TRERF1: variants seen among roughly 807,000 people sequenced by gnomAD.
TRERF1 encodes transcriptional-regulating factor 1.
In TRERF1, 27 loss-of-function variants were observed where a neutral mutation model predicts 122.9. The observed-to-expected ratio is 0.22, with a 90% CI of 0.16 to 0.30. The LOEUF (loss-of-function observed/expected upper bound fraction) is 0.30, where lower values mean the gene tolerates loss of function less well. Ranked by LOEUF, TRERF1 falls within the 10% of genes least tolerant of loss-of-function variation. The pLI is 1.00. For missense variants in TRERF1, 1,248 were observed against 1,560.3 expected, an observed-to-expected ratio of 0.80 and a Z score of 3.37; for synonymous variants, 636 against 641.7, an observed-to-expected ratio of 0.99 and a Z score of 0.13.
intron 13 of TRERF1, among the ~76,000 whole-genome samples, chr6:42,250,092 C>T (rs566119087): frequency 2.6e-5 from 4 of 152,174 alleles, no homozygotes; most frequent in African/African-American, 7.2e-5. Flanking sequence ...CTGTGAACCC[C>T]GGGCAAGCCT....
intron 2 of TRERF1, among the ~76,000 whole-genome samples, chr6:42,425,849 G>A (rs1783570963): frequency 6.6e-6 from 1 of 151,952 alleles, no homozygotes; most frequent in African/African-American, 2.4e-5. Context: ...CCGGCCCCCT[G>A]GGCTTTTTAT....
rs1373910318 is a variant in TRERF1, at chr6:42,228,822, TCTTC to T, written c.3279-157_3279-154del. Among the ~76,000 whole-genome samples the T allele has an allele frequency of 1.3e-5, 2 of 152,190 alleles. No homozygotes were observed. Among genetic ancestry groups the T allele is most frequent in the Admixed American group, 1.3e-4 (2 of 15,284 alleles). ...TCCTTCCCCTGTGACCTGTCACCTC[TCTTC>T]CTTCCTCTCCAAGCATTACAAGGAA... On this transcript the variant is annotated intron_variant, in intron 17 of 17. Transcript: ENST00000372922. This position sits in a 1 kb window ranked among gnomAD's most constrained non-coding sequence, Gnocchi z 4.2.
chr6:42,327,701 G>C (rs1764528542), intron 3 of TRERF1, among the ~76,000 whole-genome samples: 1 of 152,182 alleles, frequency 6.6e-6, no homozygotes, highest in Admixed American at 6.5e-5. Context: ...TGTTATTGCT[G>C]AGGTTGTAAC....
chr6:42,245,157 G>C (rs562400422), intron 14 of TRERF1, among the ~76,000 whole-genome samples: 1 of 152,194 alleles, frequency 6.6e-6, no homozygotes, highest in African/African-American at 2.4e-5. Context: ...ATCATCAGTC[G>C]CAAGTGTGGG....
chr6:42,396,233 T>C (rs1275046862), intron 2 of TRERF1, among the ~76,000 whole-genome samples: 1 of 152,174 alleles, frequency 6.6e-6, no homozygotes, highest in East Asian at 1.9e-4. Flanking sequence ...CTCTCATATG[T>C]GTGACTTTAC....
intron 10 of TRERF1, among the ~76,000 whole-genome samples, 160 bp from the exon 11 acceptor site, chr6:42,257,262 T>C (rs1369859118): frequency 6.6e-6 from 1 of 152,210 alleles, no homozygotes; most frequent in Non-Finnish European, 1.5e-5. Flanking sequence ...CACGTGGCCT[T>C]TTCACTGGGA....
intron 4 of TRERF1, among the ~76,000 whole-genome samples, chr6:42,300,267 T>C (rs1034689057): frequency 6.6e-6 from 1 of 152,230 alleles, no homozygotes; most frequent in Admixed American, 6.5e-5. Context: ...TAGCAGGTAC[T>C]GGGACTCTCA....
chr6:42,427,408 C>T (rs1432204579), intron 2 of TRERF1, among the ~76,000 whole-genome samples: 1 of 152,044 alleles, frequency 6.6e-6, no homozygotes, highest in East Asian at 1.9e-4. Flanking sequence ...TAGGCGTGCA[C>T]CACTATGCCC....
intron 3 of TRERF1, among the ~76,000 whole-genome samples, chr6:42,313,189 C>T (rs1391189168): frequency 1.3e-5 from 2 of 152,174 alleles, no homozygotes; most frequent in South Asian, 2.1e-4. Flanking sequence ...GCCTGGGGTT[C>T]GGCATCTCTC....
intron 4 of TRERF1, among the ~76,000 whole-genome samples, chr6:42,296,273 G>A (rs1335922560): frequency 6.6e-6 from 1 of 152,164 alleles, no homozygotes; most frequent in Non-Finnish European, 1.5e-5. Context: ...AAACACCCCA[G>A]TTCAAAGAAC....
intron 2 of TRERF1, among the ~76,000 whole-genome samples, chr6:42,428,860 C>T (rs565532179): frequency 6.6e-6 from 1 of 152,266 alleles, no homozygotes; most frequent in South Asian, 2.1e-4. Context: ...CCCTCCCTTC[C>T]ACACATTAAT....
chr6:42,288,335 G>A (rs561217880), intron 4 of TRERF1, among the ~76,000 whole-genome samples: 4 of 151,990 alleles, frequency 2.6e-5, no homozygotes, highest in East Asian at 3.9e-4. Context: ...TTGGGAGGCC[G>A]AGGTGGGCAG....
chr6:42,324,734 T>A (rs1763997532), intron 3 of TRERF1, among the ~76,000 whole-genome samples: 1 of 152,136 alleles, frequency 6.6e-6, no homozygotes, highest in African/African-American at 2.4e-5. Flanking sequence ...TATTTATCAC[T>A]ATATACAAAA....
Position 42,277,299 on chromosome 6 carries a change from GC to G in TRERF1, c.-258-7452del, listed in dbSNP as rs560937173. On this transcript the variant is annotated intron_variant, in intron 4 of 17. Transcript: ENST00000372922. ...GGGTTCTGCCTGCTCCACCTCCAGGGCCCTGGCTGGGATGACCTCTCCTTCC... is the reference window on the plus strand; with the variant it reads ...GGGTTCTGCCTGCTCCACCTCCAGGGCCTGGCTGGGATGACCTCTCCTTCC... 3.6e-3 allele frequency among the ~76,000 whole-genome samples: 546 copies of G among 152,278 alleles called. 6 individuals carry two copies. Among genetic ancestry groups the G allele is most frequent in the African/African-American group, 0.013 (521 of 41,554 alleles).
intron 5 of TRERF1, among the ~76,000 whole-genome samples, chr6:42,267,631 C>CA (rs566221240): frequency 7.9e-4 from 119 of 151,372 alleles, no homozygotes; most frequent in Middle Eastern, 3.4e-3. Context: ...GACTCCATCT[C>CA]AAAAAAAACA....
chr6:42,263,255 C>A lies in TRERF1; in HGVS notation c.1884+65G>T, dbSNP rs1049891181. On this transcript the variant is annotated intron_variant, in intron 8 of 17. Coordinates refer to ENST00000372922, the Ensembl canonical transcript of TRERF1. This position sits in a 1 kb window ranked among gnomAD's most constrained non-coding sequence, Gnocchi z 5.6. Reference sequence around the variant, plus strand: ...CCAGGCAGGTGGGGCAGAGCAGCAACTCACAGCAGGCGTGCGGGGGGCAGC... The same window carrying A: ...CCAGGCAGGTGGGGCAGAGCAGCAAATCACAGCAGGCGTGCGGGGGGCAGC... 3.3e-6 allele frequency: 5 copies of A among 1,528,028 alleles called. No homozygotes were observed. Among genetic ancestry groups the A allele is most frequent in the Non-Finnish European group, 4.4e-6 (5 of 1,131,182 alleles). 94.7% of individuals were successfully genotyped at this position (1,528,028 alleles called of 1,614,324 possible). A position where few individuals can be genotyped will look rare whatever the true frequency, so the allele number is the denominator to read the frequency against.
chr6:42,277,871 G>C (rs1216469577), intron 4 of TRERF1, among the ~76,000 whole-genome samples: 1 of 128,176 alleles, frequency 7.8e-6, no homozygotes, highest in African/African-American at 3.3e-5. Context: ...GAAGAAGGAA[G>C]AAGAAGGAAG....
At chr6:42,423,868 GA>G (rs1050129680) in intron 2 of TRERF1, among the ~76,000 whole-genome samples, 1 of 152,140 alleles carries the variant, frequency 6.6e-6, no homozygotes, top group African/African-American at 2.4e-5. Context: ...CTCATAAGAG[GA>G]ACCTTCGAAA....
chr6:42,243,523 ACCC>A (rs565670214), intron 14 of TRERF1, among the ~76,000 whole-genome samples, 162 bp from the exon 15 acceptor site: 115 of 151,786 alleles, frequency 7.6e-4, no homozygotes, highest in African/African-American at 2.7e-3. Flanking sequence ...GCCTGTCCTT[ACCC>A]CTCACCCTGC....
Sources: gnomAD v4.1 joint callset for allele counts (sites outside exome capture counted in the v4.1 genomes callset) on GRCh38, gnomAD v4.1.1 for gene constraint, Gnocchi (gnomAD v3.1) non-coding constraint, MANE v1.5 for transcripts, NCBI Gene and HGNC (gene_info 2026-07-23, HGNC 2026-07-21) for gene names.